CPNE1: variants seen among roughly 807,000 people sequenced by gnomAD.
The protein encoded by CPNE1 is copine-1.
CPNE1 carries 58 observed loss-of-function variants against 63.2 expected under a neutral mutation model. The ratio of observed to expected loss-of-function variants is 0.92; its 90% CI spans 0.74 to 1.14. CPNE1 has a LOEUF of 1.14. CPNE1 is among the 50% of genes most tolerant of loss of function. The probability of loss-of-function intolerance (pLI) is 0.00; values close to 1 mark genes in which losing one functional copy is unlikely to be tolerated. For synonymous variants in CPNE1, 237 were observed against 249.0 expected (o/e 0.95, Z 0.45); for missense variants, 672 against 661.7 (o/e 1.02, Z -0.17).
Position 35,630,780 on chromosome 20 carries a change from A to AG in CPNE1, c.1010dup (p.Ala338CysfsTer11). On this transcript the variant is annotated frameshift_variant, in exon 12 of 16. Transcript: ENST00000397443. LOFTEE classifies it high-confidence loss of function. ...GAACCTGGGCCCCAAATCCAAATGC[A>AG]GGGAACAGCTTGTCTCTGTGGGAGG... 4 of 1,613,838 alleles carry AG rather than the reference A, an allele frequency of 2.5e-6. No homozygotes were observed. Among genetic ancestry groups the AG allele is most frequent in the Non-Finnish European group, 3.4e-6 (4 of 1,179,868 alleles).
chr20:35,640,440 ATT>A (rs919443230), intron 1 of CPNE1, among the ~76,000 whole-genome samples: 149 of 152,218 alleles, frequency 9.8e-4, no homozygotes, highest in African/African-American at 3.6e-3. Flanking sequence ...TAAATATCAC[ATT>A]TGAGTCAATA....
chr20:35,651,887 T>A (rs542696852), intron 1 of CPNE1: 2 of 152,688 alleles, frequency 1.3e-5, no homozygotes, highest in African/African-American at 4.8e-5. Context: ...GACTTTTATA[T>A]TTAGGGAAAA....
intron 1 of CPNE1, chr20:35,652,293 C>T: frequency 2.2e-6 from 1 of 458,662 alleles, no homozygotes; most frequent in South Asian, 3.5e-5. Flanking sequence ...TAATGGTATG[C>T]CAAAATCATT....
intron 1 of CPNE1, among the ~76,000 whole-genome samples, chr20:35,636,186 A>C (rs1211126983): frequency 6.6e-6 from 1 of 152,176 alleles, no homozygotes; most frequent in Non-Finnish European, 1.5e-5. Context: ...CAGACTTCTG[A>C]CCATCCTGAT....
chr20:35,626,934 T>C (rs2031787056), intron 14 of CPNE1, 131 bp from the exon 15 acceptor site: 1 of 787,812 alleles, frequency 1.3e-6, no homozygotes, highest in Non-Finnish European at 2.2e-6. Context: ...ACACCTGTAA[T>C]CCCAGCACTT....
chr20:35,626,075 T>C lies in CPNE1; in HGVS notation c.*166A>G. 1.4e-6 allele frequency: 1 copy of C among 738,654 alleles called. No individual in the cohort carries two copies. Among genetic ancestry groups the C allele is most frequent in the Non-Finnish European group, 2.4e-6 (1 of 420,434 alleles). The allele number at this position is 738,654 out of a possible 1,614,324, so 45.8% of individuals were successfully genotyped here. On this transcript the variant is annotated 3_prime_UTR_variant, in exon 16 of 16. Coordinates refer to ENST00000397443, the MANE Select transcript of CPNE1 (RefSeq NM_152925.3). ...TTCACTGGTCTTTATTGAATGAGGG[T>C]TGTCAGGAGCAAAGGTGGGATCAAG...
rs1381340598 is a variant in CPNE1 at position 35,631,994 on chromosome 20, T to G, written c.488A>C (p.Glu163Ala). 1.2e-6 allele frequency: 2 copies of G among 1,613,942 alleles called. No individual in the cohort carries two copies. The highest frequency in any genetic ancestry group is 2.2e-5 in the South Asian group (2 of 91,060). The change falls in exon 6 of 16, where the codon GAG becomes GCG. Residue 163 changes from glutamate to alanine, a missense_variant. Coordinates refer to ENST00000397443, the MANE Select transcript of CPNE1 (RefSeq NM_152925.3). Reference sequence around the variant, plus strand: ...TTTCCCATCACCCTGGCGGAAGAACTCCAGAAATGGATCTGATTTTCCCAG... The same window carrying G: ...TTTCCCATCACCCTGGCGGAAGAACGCCAGAAATGGATCTGATTTTCCCAG... ...DFLGKSDPFL[E>A]FFRQGDGKWH...
intron 1 of CPNE1, among the ~76,000 whole-genome samples, chr20:35,638,819 A>C (rs1358927628): frequency 6.6e-6 from 1 of 152,248 alleles, no homozygotes; most frequent in African/African-American, 2.4e-5. Flanking sequence ...TAGTATCTGT[A>C]ACATGAATAA....
intron 13 of CPNE1, 59 bp downstream of exon 13, chr20:35,630,380 T>G (rs1044536004): frequency 1.4e-5 from 19 of 1,401,594 alleles, no homozygotes; most frequent in Non-Finnish European, 1.7e-5. Flanking sequence ...CTTTTACTCA[T>G]GCAGGCTTGC....
At chr20:35,646,280 A>C (rs1416333902) in intron 1 of CPNE1, among the ~76,000 whole-genome samples, 1 of 144,588 alleles carries the variant, frequency 6.9e-6, no homozygotes, top group Non-Finnish European at 1.5e-5. Flanking sequence ...AAAAAAAAAG[A>C]AACAAAAAAA....
intron 1 of CPNE1, chr20:35,652,378 G>C (rs2033582571): frequency 1.1e-6 from 1 of 899,646 alleles, no homozygotes; most frequent in South Asian, 1.7e-5. Flanking sequence ...TCTGTAAACA[G>C]TCAACCAATG....
At chr20:35,641,392 TG>T (rs1481488587) in intron 1 of CPNE1, among the ~76,000 whole-genome samples, 1 of 152,184 alleles carries the variant, frequency 6.6e-6, no homozygotes, top group East Asian at 1.9e-4. Context: ...GGCAAGAGTG[TG>T]GGTTCTGCAG....
Position 35,659,112 on chromosome 20 carries a change from C to T in CPNE1, c.-1+5648G>A, listed in dbSNP as rs1162256881. 10 of 496,722 alleles carry T rather than the reference C, an allele frequency of 2.0e-5. No homozygotes were observed. In the East Asian group the frequency reaches 2.0e-4, roughly 10 times the overall value. 30.8% of individuals were successfully genotyped at this position (496,722 alleles called of 1,614,324 possible). A position where few individuals can be genotyped will look rare whatever the true frequency, so the allele number is the denominator to read the frequency against. Reference sequence around the variant, plus strand: ...CATTACGAAGGCGAGTCTGAAACCACCAGAGTACTTCATTAGAATGCATAT... The same window carrying T: ...CATTACGAAGGCGAGTCTGAAACCATCAGAGTACTTCATTAGAATGCATAT... On this transcript the variant is annotated intron_variant, in intron 1 of 15. Transcript: ENST00000397443.
chr20:35,632,918 G>C lies in CPNE1; in HGVS notation c.6C>G (p.Ala2=). 1 of 871,700 alleles carries C rather than the reference G, an allele frequency of 1.1e-6. No homozygotes were observed. Among genetic ancestry groups the C allele is most frequent in the Non-Finnish European group, 2.0e-6 (1 of 500,996 alleles). 54.0% of individuals were successfully genotyped at this position (871,700 alleles called of 1,614,324 possible). A position where few individuals can be genotyped will look rare whatever the true frequency, so the allele number is the denominator to read the frequency against. ...ACAGCTGAACCAAGGTCACGCAGTG[G>C]GCCATCTGAGGGAAAAGGAGCTGGG... The part of the protein sequence containing the change: M[A]HCVTLVQLSI... Residue 2 remains alanine, a synonymous_variant, in exon 2 of 16, where the codon GCC becomes GCG. Transcript: ENST00000397443.
At chr20:35,631,882 C>T (rs1170225416) in intron 6 of CPNE1, 63 bp downstream of exon 6, 4 of 1,565,478 alleles carry the variant, frequency 2.6e-6, no homozygotes, top group Admixed American at 3.4e-5. Context: ...CCAAACCTTG[C>T]TAGTCACAGG....
chr20:35,627,497 G>T, intron 13 of CPNE1, 84 bp from the exon 14 acceptor site: 6 of 1,409,468 alleles, frequency 4.3e-6, no homozygotes, highest in Non-Finnish European at 4.8e-6. Flanking sequence ...CCCAGCCCAG[G>T]AGATCTCGGA....
intron 1 of CPNE1, chr20:35,654,514 T>C (rs1268368422): frequency 3.1e-6 from 5 of 1,614,090 alleles, no homozygotes; most frequent in East Asian, 2.2e-5. Flanking sequence ...ATTCAGATTA[T>C]TGTTCAAATT....
chr20:35,659,038 C>G (rs2034076722), intron 1 of CPNE1: 1 of 707,770 alleles, frequency 1.4e-6, no homozygotes, highest in African/African-American at 1.8e-5. Flanking sequence ...TAAACGGAGG[C>G]AAAAATCAAT....
intron 1 of CPNE1, among the ~76,000 whole-genome samples, chr20:35,638,258 CT>C (rs2032600265): frequency 6.6e-6 from 1 of 152,190 alleles, no homozygotes; most frequent in Non-Finnish European, 1.5e-5. Context: ...TAAATCTCCC[CT>C]ATCCTGATCT....
Sources: gnomAD v4.1 joint callset for allele counts (sites outside exome capture counted in the v4.1 genomes callset) on GRCh38, gnomAD v4.1.1 for gene constraint, MANE v1.5 for transcripts, NCBI Gene and HGNC (gene_info 2026-07-23, HGNC 2026-07-21) for gene names.